Variants in DAB1 observed in about 807,000 individuals in gnomAD.
DAB1 encodes DAB adaptor protein 1, also known as disabled homolog 1.
DAB1 carries 15 observed loss-of-function variants against 64.6 expected under a neutral mutation model. The ratio of observed to expected loss-of-function variants is 0.23; its 90% CI spans 0.16 to 0.36. The LOEUF (loss-of-function observed/expected upper bound fraction) is 0.36. DAB1 is among the 10% of genes least tolerant of loss of function. The pLI is 1.00. For missense variants in DAB1, 596 were observed against 706.7 expected, an observed-to-expected ratio of 0.84 and a Z score of 1.78; for synonymous variants, 235 against 251.9, an observed-to-expected ratio of 0.93 and a Z score of 0.64.
intron 9 of DAB1, among the ~76,000 whole-genome samples, chr1:57,042,280 A>G (rs1647884066): frequency 1.3e-5 from 2 of 152,218 alleles, no homozygotes; most frequent in South Asian, 4.1e-4. Context: ...GAACTTGAAA[A>G]TAGTTTGTGT....
At chr1:57,842,549 G>A (rs908109870) in intron 1 of DAB1, among the ~76,000 whole-genome samples, 1 of 152,140 alleles carries the variant, frequency 6.6e-6, no homozygotes, top group African/African-American at 2.4e-5. Flanking sequence ...AGTCTAATTG[G>A]CTCACAGTTC....
upstream of DAB1, among the ~76,000 whole-genome samples, chr1:57,428,894 T>G (rs1685392268): frequency 6.8e-6 from 1 of 147,260 alleles, no homozygotes; most frequent in Non-Finnish European, 1.5e-5. Context: ...TTGTTTTGAT[T>G]TTTTTTGTTG....
rs116712196 is a variant in DAB1, at chr1:57,322,544, A to G, written c.-136-31378T>C. Among the ~76,000 whole-genome samples the G allele has an allele frequency of 6.5e-3, 985 of 152,270 alleles. 9 individuals carry two copies. Among genetic ancestry groups the G allele is most frequent in the African/African-American group, 0.021 (873 of 41,554 alleles). ...CTGAACCACTTTTTCTGCCATTTAT[A>G]TGGCTCAATTCTTCACACAAGCTGT... On this transcript the variant is annotated intron_variant, in intron 1 of 14. Transcript: ENST00000371236.
At chr1:58,180,256 CTTTCTTT>C (rs1656704001) in intron 4 of DAB1, among the ~76,000 whole-genome samples, 1 of 85,082 alleles carries the variant, frequency 1.2e-5, no homozygotes, top group Non-Finnish European at 2.3e-5. Context: ...GGTCTGAGAT[CTTTCTTT>C]TTTCTTTTTT....
chr1:58,222,738 C>A (rs1179522536), intron 4 of DAB1, among the ~76,000 whole-genome samples: 1 of 152,190 alleles, frequency 6.6e-6, no homozygotes, highest in Non-Finnish European at 1.5e-5. Context: ...TTCTTTCATA[C>A]AAGTAAAAAT....
At chr1:58,385,001 A>C (rs565462371) in intron 3 of DAB1, among the ~76,000 whole-genome samples, 6 of 152,352 alleles carry the variant, frequency 3.9e-5, no homozygotes, top group Non-Finnish European at 5.9e-5. Flanking sequence ...CCTAGGAACA[A>C]TATTTTGCAT....
chr1:58,339,782 A>G (rs925129680), intron 4 of DAB1, among the ~76,000 whole-genome samples: 4 of 152,176 alleles, frequency 2.6e-5, no homozygotes, highest in African/African-American at 7.2e-5. Flanking sequence ...TTCCAAACAG[A>G]AATATTTTAG....
intron 7 of DAB1, among the ~76,000 whole-genome samples, chr1:57,534,189 C>T (rs1644698645): frequency 6.6e-6 from 1 of 152,110 alleles, no homozygotes; most frequent in Admixed American, 6.5e-5. Context: ...ATTGGAGTTT[C>T]AGTGCAGACT....
At chr1:57,830,490 T>C (rs1344298666) in intron 1 of DAB1, among the ~76,000 whole-genome samples, 1 of 152,216 alleles carries the variant, frequency 6.6e-6, no homozygotes, top group East Asian at 1.9e-4. Context: ...ACCTCAAAGC[T>C]GGCCTTCTCA....
At chr1:57,117,485 T>C (rs906516217) in intron 4 of DAB1, among the ~76,000 whole-genome samples, 8 of 152,260 alleles carry the variant, frequency 5.3e-5, no homozygotes, top group African/African-American at 1.9e-4. Flanking sequence ...AGCCCTCCTA[T>C]GAACTTCTAT....
chr1:58,294,865 C>CGT (rs55922554), intron 4 of DAB1, among the ~76,000 whole-genome samples: 5,229 of 137,624 alleles, frequency 0.038, 112 homozygotes, highest in African/African-American at 0.062. Context: ...TGGTCCAGAA[C>CGT]GTGTGTGTGT....
At chr1:58,250,120 C>A (rs1660737720) in intron 4 of DAB1, among the ~76,000 whole-genome samples, 2 of 152,170 alleles carry the variant, frequency 1.3e-5, no homozygotes, top group South Asian at 4.1e-4. Context: ...TGCAGACCAC[C>A]ACCTCGCCAG....
At chr1:57,165,250 G>GTT (rs148639954) in intron 2 of DAB1, among the ~76,000 whole-genome samples, 6 of 149,156 alleles carry the variant, frequency 4.0e-5, no homozygotes, top group Admixed American at 6.7e-5. Flanking sequence ...GAAAAAATAG[G>GTT]TTTTTTTTTT....
chr1:57,057,464 T>C (rs1276544510), intron 9 of DAB1, among the ~76,000 whole-genome samples: 3 of 152,196 alleles, frequency 2.0e-5, no homozygotes, highest in Non-Finnish European at 4.4e-5. Context: ...GCAAGGGATG[T>C]AACTGATACA....
At chr1:57,103,649 T>C (rs765690408) in intron 4 of DAB1, among the ~76,000 whole-genome samples, 2 of 152,070 alleles carry the variant, frequency 1.3e-5, no homozygotes, top group Non-Finnish European at 2.9e-5. Context: ...AGACAGGTGC[T>C]TGGCCCCCCA....
intron 5 of DAB1, among the ~76,000 whole-genome samples, chr1:57,916,666 G>A (rs1361295725): frequency 6.6e-6 from 1 of 152,238 alleles, no homozygotes; most frequent in African/African-American, 2.4e-5. Flanking sequence ...GGCCAGGCGT[G>A]GTGGCTCACG....
At chr1:57,822,068 A>C (rs1569781999), downstream of DAB1, among the ~76,000 whole-genome samples, 1 of 152,238 alleles carries the variant, frequency 6.6e-6, no homozygotes, top group East Asian at 1.9e-4. Flanking sequence ...TGGGAAGTGG[A>C]ATGGCCAACA....
At chr1:57,281,153 G>A (rs1162176531) in intron 2 of DAB1, among the ~76,000 whole-genome samples, 1 of 152,126 alleles carries the variant, frequency 6.6e-6, no homozygotes, top group African/African-American at 2.4e-5. Flanking sequence ...CAGAACTAAA[G>A]TGGCTGAAAA....
intron 6 of DAB1, among the ~76,000 whole-genome samples, chr1:57,774,165 A>C (rs920211927): frequency 6.6e-5 from 10 of 151,828 alleles, no homozygotes; most frequent in African/African-American, 2.2e-4. Context: ...CAAATCTTAA[A>C]ATTTCAGCAA....
Sources: allele counts gnomAD v4.1 joint callset (sites outside exome capture counted in the v4.1 genomes callset), GRCh38; gene constraint gnomAD v4.1.1; transcripts MANE v1.5; gene names NCBI Gene and HGNC (gene_info 2026-07-23, HGNC 2026-07-21).